Variants in EYS observed in about 807,000 individuals in gnomAD.
EYS encodes the protein EGF-like photoreceptor maintenance factor.
Under a neutral mutation model 282.1 loss-of-function variants are expected in EYS, and 250 were observed. The observed-to-expected ratio is 0.89, with a 90% CI of 0.80 to 0.98. The LOEUF is 0.98. EYS is among the 50% of genes least tolerant of loss of function. The pLI is 0.00. For missense variants in EYS, 4,016 were observed against 3,709.0 expected, an observed-to-expected ratio of 1.08 and a Z score of -2.15; for synonymous variants, 1,355 against 1,282.9, an observed-to-expected ratio of 1.06 and a Z score of -1.20.
At chr6:64,303,580 C>A (rs375533512) in intron 30 of EYS, among the ~76,000 whole-genome samples, 269 of 152,166 alleles carry the variant, frequency 1.8e-3, no homozygotes, top group African/African-American at 6.3e-3. Context: ...CGGTGGCTCA[C>A]GCCTGTAATC....
chr6:64,129,690 C>T (rs1051996326), intron 31 of EYS, among the ~76,000 whole-genome samples: 1 of 152,152 alleles, frequency 6.6e-6, no homozygotes, highest in Non-Finnish European at 1.5e-5. Context: ...GTGTTTTAGA[C>T]ATGAAGTCCT....
rs1481875563 is a variant in EYS, at chr6:64,084,711, A to T, written c.6425-2709T>A. ...GTAAAACTGACAAGATCTTTAAAAG[A>T]TTTATGTTTCAAAGGCAACAGAGAA... On this transcript the variant is annotated intron_variant, in intron 31 of 42. Coordinates refer to ENST00000503581, the MANE Select transcript of EYS (RefSeq NM_001142800.2). 7.2e-5 allele frequency among the ~76,000 whole-genome samples: 11 copies of T among 152,284 alleles called. No individual in the cohort carries two copies. The East Asian group carries it at 1.9e-3, about 27-fold the overall frequency.
At chr6:65,325,434 T>C (rs1769592360) in intron 11 of EYS, among the ~76,000 whole-genome samples, 1 of 152,076 alleles carries the variant, frequency 6.6e-6, no homozygotes, top group African/African-American at 2.4e-5. Flanking sequence ...TGCAATGGAG[T>C]TGAGAGAAAT....
intron 12 of EYS, among the ~76,000 whole-genome samples, chr6:65,139,506 A>G (rs905792719): frequency 5.9e-5 from 9 of 152,062 alleles, no homozygotes; most frequent in African/African-American, 2.2e-4. Flanking sequence ...CCTGGGTGAA[A>G]AAATAATCTG....
intron 28 of EYS, among the ~76,000 whole-genome samples, chr6:64,413,561 A>AACAAC (rs1287494053): frequency 1.3e-4 from 15 of 117,424 alleles, no homozygotes; most frequent in Admixed American, 6.1e-4. Flanking sequence ...ACAACAACAA[A>AACAAC]AACCCAAAAA....
rs1773542212 is a variant in EYS, at chr6:63,896,553, C to T, written c.7056-32195G>A. On this transcript the variant is annotated intron_variant, in intron 35 of 42. Coordinates refer to ENST00000503581, the MANE Select transcript of EYS (RefSeq NM_001142800.2). Reference sequence around the variant, plus strand: ...ATGGGTTACAATTGATGAGGCTACACTGACACATTTTTATAACTCCCAAAT... The same window carrying T: ...ATGGGTTACAATTGATGAGGCTACATTGACACATTTTTATAACTCCCAAAT... Among the ~76,000 whole-genome samples, 17 of 152,328 alleles carry T rather than the reference C, an allele frequency of 1.1e-4. No homozygotes were observed. In the South Asian group the frequency reaches 3.3e-3, roughly 30 times the overall value.
At chr6:64,304,859 T>C (rs1769377438) in intron 30 of EYS, among the ~76,000 whole-genome samples, 1 of 152,120 alleles carries the variant, frequency 6.6e-6, no homozygotes, top group Non-Finnish European at 1.5e-5. Flanking sequence ...ATGTACGAGA[T>C]GCAGTGAAAG....
In EYS at chr6:64,361,262, A is replaced by G. The variant is rs139310385; in HGVS notation, c.6078+27428T>C. Among the ~76,000 whole-genome samples the G allele has an allele frequency of 8.6e-3, 1,308 of 151,780 alleles. 26 individuals are homozygous for G. The highest frequency in any genetic ancestry group is 0.029 in the African/African-American group (1,198 of 41,432). On this transcript the variant is annotated intron_variant, in intron 29 of 42. Transcript: ENST00000503581. ...AGGCCCTGTCCAAAATCCTATGGAT[A>G]GAAATGAAAATAAAATTTCATGAGT...
chr6:64,488,362 A>T lies in EYS; in HGVS notation c.5645-49010T>A, dbSNP rs373055603. On this transcript the variant is annotated intron_variant, in intron 26 of 42. Transcript: ENST00000503581. ...CATACAATTGCATGCTCACTGGCAG[A>T]TTCTCTCCTTTTACCTGGAAAGTGC... Among the ~76,000 whole-genome samples, 60 of 151,108 alleles carry T rather than the reference A, an allele frequency of 4.0e-4. 1 individual carries two copies. The East Asian group carries it at 5.7e-3, about 14-fold the overall frequency.
In EYS at chr6:65,037,290, T is replaced by A. The variant is rs1457283107; in HGVS notation, c.2137+20324A>T. Among the ~76,000 whole-genome samples the A allele has an allele frequency of 6.6e-5, 10 of 151,654 alleles. No homozygotes were observed. In the Admixed American group the frequency reaches 6.6e-4, roughly 10 times the overall value. On this transcript the variant is annotated intron_variant, in intron 13 of 42. Coordinates refer to ENST00000503581, the MANE Select transcript of EYS (RefSeq NM_001142800.2). Reference sequence around the variant, plus strand: ...CACACAGATGCAAATAAGAGAACATTGATAAGAGGACCTACTTGAAGGTCA... The same window carrying A: ...CACACAGATGCAAATAAGAGAACATAGATAAGAGGACCTACTTGAAGGTCA...
intron 28 of EYS, among the ~76,000 whole-genome samples, chr6:64,417,697 G>T (rs190144286): frequency 2.8e-4 from 34 of 120,510 alleles, no homozygotes; most frequent in African/African-American, 1.0e-3. Context: ...TTTTGACAGC[G>T]TCTCACTGTG....
intron 2 of EYS, among the ~76,000 whole-genome samples, chr6:65,605,533 G>T (rs1765756928): frequency 6.6e-6 from 1 of 151,802 alleles, no homozygotes; most frequent in South Asian, 2.1e-4. Flanking sequence ...CTTTGATTCA[G>T]CAATTCAAAT....
At chr6:65,393,185 C>T (rs1471728886) in intron 7 of EYS, among the ~76,000 whole-genome samples, 7 of 114,744 alleles carry the variant, frequency 6.1e-5, no homozygotes, top group East Asian at 2.6e-4. Flanking sequence ...GGTGGGGGGA[C>T]GGGGGAGGGA....
intron 1 of EYS, among the ~76,000 whole-genome samples, chr6:65,669,428 A>G (rs1360999664): frequency 1.3e-5 from 2 of 151,998 alleles, no homozygotes; most frequent in Non-Finnish European, 2.9e-5. Flanking sequence ...CCCTTTTGTA[A>G]TAGGGTTTCT....
intron 11 of EYS, among the ~76,000 whole-genome samples, chr6:65,301,140 G>C (rs927044299): frequency 2.6e-5 from 4 of 152,156 alleles, no homozygotes; most frequent in African/African-American, 9.7e-5. Flanking sequence ...AGTCTTTCCT[G>C]ATGCTTTGCA....
chr6:64,815,137 G>C (rs1319482441), intron 21 of EYS: 1 of 375,886 alleles, frequency 2.7e-6, no homozygotes, highest in African/African-American at 2.1e-5. Context: ...CTTAGATAGT[G>C]ATCTTGTACA....
intron 35 of EYS, among the ~76,000 whole-genome samples, chr6:63,945,958 C>T (rs1204203383): frequency 6.6e-6 from 1 of 152,158 alleles, no homozygotes; most frequent in East Asian, 1.9e-4. Context: ...ACGAATAAAA[C>T]CTGAATGCTT....
intron 12 of EYS, among the ~76,000 whole-genome samples, chr6:65,242,899 A>G (rs945398293): frequency 6.6e-6 from 1 of 152,094 alleles, no homozygotes; most frequent in Non-Finnish European, 1.5e-5. Flanking sequence ...GTGTGCTTAC[A>G]GGCCACTGCT....
intron 22 of EYS, among the ~76,000 whole-genome samples, chr6:64,640,901 T>C (rs1303804939): frequency 6.6e-6 from 1 of 152,110 alleles, no homozygotes. Flanking sequence ...GAATCTAAGG[T>C]CAGCTGCCCT....
Sources: gnomAD v4.1 joint callset for allele counts (sites outside exome capture counted in the v4.1 genomes callset) on GRCh38, gnomAD v4.1.1 for gene constraint, MANE v1.5 for transcripts, NCBI Gene and HGNC (gene_info 2026-07-23, HGNC 2026-07-21) for gene names.